Variants in HOXA13 observed in about 807,000 individuals in gnomAD.
HOXA13 encodes the protein homeobox A13.
Under a neutral mutation model 25.7 loss-of-function variants are expected in HOXA13, and 5 were observed. That is an observed-to-expected ratio of 0.19 (90% CI 0.10 to 0.41). The LOEUF is 0.41. HOXA13 is among the 10% of genes least tolerant of loss of function. The pLI is 1.00. For synonymous variants in HOXA13, 284 were observed against 241.1 expected (o/e 1.18, Z -1.65); for missense variants, 557 against 533.5 (o/e 1.04, Z -0.43).
chr7:27,200,079 G>A lies in HOXA13; in HGVS notation c.-2C>T. Reference sequence around the variant, plus strand: ...GTGGAGGAGCACGGAGGCTGTCATAGCCCGAGCCGCATGGAGAAGACCCCA... The same window carrying A: ...GTGGAGGAGCACGGAGGCTGTCATAACCCGAGCCGCATGGAGAAGACCCCA... On this transcript the variant is annotated 5_prime_UTR_variant, in exon 1 of 2. Coordinates refer to ENST00000649031, the MANE Select transcript of HOXA13 (RefSeq NM_000522.5). 1 of 1,457,148 alleles carries A rather than the reference G, an allele frequency of 6.9e-7. No homozygotes were observed. The highest frequency in any genetic ancestry group is 3.0e-5 in the East Asian group (1 of 33,444). 90.3% of individuals were successfully genotyped at this position (1,457,148 alleles called of 1,614,324 possible). A position where few individuals can be genotyped will look rare whatever the true frequency, so the allele number is the denominator to read the frequency against.
chr7:27,197,854 G>T lies in HOXA13; in HGVS notation c.*344C>A. The T allele has an allele frequency of 2.6e-6, 1 of 391,766 alleles. No homozygotes were observed. Among genetic ancestry groups the T allele is most frequent in the Non-Finnish European group, 4.7e-6 (1 of 213,158 alleles). The allele number at this position is 391,766 out of a possible 1,614,324, so 24.3% of individuals were successfully genotyped here. On this transcript the variant is annotated 3_prime_UTR_variant, in exon 2 of 2. Transcript: ENST00000649031. ...AACTTCCAGATTATTACCATCTAAC[G>T]CAGTGTCCTAAAATGTAACGATCAC...
chr7:27,199,190 C>T lies in HOXA13; in HGVS notation c.888G>A (p.Ala296=), dbSNP rs1157970945. ...NGQMYCPKEQ[A]QPPHLWKSTL... ...TGGACTTCCAGAGGTGGGGAGGCTG[C>T]GCCTGCTCTTTGGGGCAGTACATTT... Residue 296 remains alanine (A), a synonymous_variant, in exon 1 of 2, where the codon GCG becomes GCA. Coordinates refer to ENST00000649031, the MANE Select transcript of HOXA13 (RefSeq NM_000522.5). 1 of 1,612,488 alleles carries T rather than the reference C, an allele frequency of 6.2e-7. No individual in the cohort carries two copies. Among genetic ancestry groups the T allele is most frequent in the African/African-American group, 1.3e-5 (1 of 74,854 alleles).
chr7:27,195,118 A>T lies in HOXA13; in HGVS notation c.*3080T>A, dbSNP rs1191485598. On this transcript the variant is annotated 3_prime_UTR_variant, in exon 2 of 2. Transcript: ENST00000649031. ...CATTTGTTTCCACAAGTGGAGTGAA[A>T]ATCCTCAGGGCAGCAAAATATAATT... 6.6e-6 allele frequency: 1 copy of T among 152,156 alleles called. No homozygotes were observed. Among genetic ancestry groups the T allele is most frequent in the Non-Finnish European group, 1.5e-5 (1 of 68,028 alleles). The allele number at this position is 152,156 out of a possible 1,614,324, so 9.4% of individuals were successfully genotyped here. A position where few individuals can be genotyped will look rare whatever the true frequency, so the allele number is the denominator to read the frequency against.
Position 27,198,300 on chromosome 7 carries a change from T to C in HOXA13, c.1065A>G (p.Ile355Met). 1 of 1,614,250 alleles carries C rather than the reference T, an allele frequency of 6.2e-7. No individual in the cohort carries two copies. The highest frequency in any genetic ancestry group is 1.1e-5 in the South Asian group (1 of 91,090). ...GCTCAGAGAGATTCGTCGTGGCTGATATCCGCCTCCGTTTGTCCTTAGTAA... is the reference window on the plus strand; with the variant it reads ...GCTCAGAGAGATTCGTCGTGGCTGACATCCGCCTCCGTTTGTCCTTAGTAA... ...KFITKDKRRR[I>M]SATTNLSERQ... Residue 355 changes from isoleucine to methionine, a missense_variant, in exon 2 of 2, where the codon ATA becomes ATG. Coordinates refer to ENST00000649031, the MANE Select transcript of HOXA13 (RefSeq NM_000522.5).
Position 27,199,412 on chromosome 7 carries a change from G to T in HOXA13, c.666C>A (p.Ser222Arg). 1.2e-6 allele frequency: 2 copies of T among 1,614,050 alleles called. No homozygotes were observed. Among genetic ancestry groups the T allele is most frequent in the Non-Finnish European group, 1.7e-6 (2 of 1,179,984 alleles). ...DTAGPAAEEFSSRAKEFAFYH... is the reference protein window; with the variant it reads ...DTAGPAAEEFRSRAKEFAFYH... ...AGAAGGCGAACTCCTTAGCGCGGGA[G>T]CTGAACTCCTCGGCAGCTGGGCCGG... is the stretch of plus-strand genomic sequence containing the variant. The change falls in exon 1 of 2, where the codon AGC (serine) becomes AGA (arginine). Residue 222 changes from serine to arginine, a missense_variant. Ser to Arg is a moderately radical substitution (Grantham distance 110). Coordinates refer to ENST00000649031, the MANE Select transcript of HOXA13 (RefSeq NM_000522.5).
chr7:27,199,509 G>A lies in HOXA13; in HGVS notation c.569C>T (p.Ala190Val). The A allele has an allele frequency of 1.9e-6, 3 of 1,604,116 alleles. No individual in the cohort carries two copies. Among genetic ancestry groups the A allele is most frequent in the Non-Finnish European group, 2.6e-6 (3 of 1,175,898 alleles). ...PCARMGPHPNAIKSCAQPASA... is the reference protein window; with the variant it reads ...PCARMGPHPNVIKSCAQPASA... ...GGCGGGCTGCGCGCACGACTTGATG[G>A]CGTTGGGGTGCGGGCCCATGCGGGC... Residue 190 changes from alanine to valine, a missense_variant, in exon 1 of 2, where the codon GCC becomes GTC. Physicochemically the swap from Ala to Val is moderately conservative, Grantham distance 64. Transcript: ENST00000649031.
chr7:27,196,848 G>C lies in HOXA13; in HGVS notation c.*1350C>G. The C allele has an allele frequency of 5.7e-6, 1 of 175,566 alleles. No individual in the cohort carries two copies. The highest frequency in any genetic ancestry group is 1.2e-5 in the Non-Finnish European group (1 of 81,002). The allele number at this position is 175,566 out of a possible 1,614,324, so 10.9% of individuals were successfully genotyped here. A position where few individuals can be genotyped will look rare whatever the true frequency, so the allele number is the denominator to read the frequency against. On this transcript the variant is annotated 3_prime_UTR_variant, in exon 2 of 2. Transcript: ENST00000649031. ...TCTGTGCAGTGCACATTTAGCATAG[G>C]AAAGTAAAGAGTATTTTCTGCAGAT...
rs1281379285 is a variant in HOXA13 at position 27,199,311 on chromosome 7, G to A, written c.767C>T (p.Pro256Leu). Residue 256 changes from proline to leucine, a missense_variant, in exon 1 of 2, where the codon CCG becomes CTG. Transcript: ENST00000649031. ...MPGYLDMPVV[P>L]GLGGPGESRH... ...CGACTCGCCGGGGCCCCCGAGGCCC[G>A]GCACCACTGGCATATCCAGGTAGCC... is the stretch of plus-strand genomic sequence containing the variant. The A allele has an allele frequency of 1.2e-6, 2 of 1,614,076 alleles. No individual in the cohort carries two copies. Among genetic ancestry groups the A allele is most frequent in the Non-Finnish European group, 1.7e-6 (2 of 1,180,000 alleles).
At position 27,195,182 on chromosome 7, in the gene HOXA13, C is replaced by T. The variant is rs1178010782; in HGVS notation, c.*3016G>A. 2 of 152,162 alleles carry T rather than the reference C, an allele frequency of 1.3e-5. No individual in the cohort carries two copies. Among genetic ancestry groups the T allele is most frequent in the Admixed American group, 6.5e-5 (1 of 15,278 alleles). The allele number at this position is 152,162 out of a possible 1,614,324, so 9.4% of individuals were successfully genotyped here. The stretch of plus-strand genomic sequence containing the variant: ...CCTTTCGATATGTATGTTTCAACAC[C>T]AGCCTGTTTTTGAGACAGCTTTAGA... On this transcript the variant is annotated 3_prime_UTR_variant, in exon 2 of 2. Transcript: ENST00000649031.
chr7:27,199,617 C>A lies in HOXA13; in HGVS notation c.461G>T (p.Ser154Ile), dbSNP rs749727647. ...GCTCTGCGCCGCTGCCGAGCAGGGG[C>A]TGCATTGCTTGGCGGCCTCTGCGCC... ...PAGAEAAKQC[S>I]PCSAAAQSSS... The change falls in exon 1 of 2, where the codon AGC (serine) becomes ATC (isoleucine). Residue 154 changes from serine (S) to isoleucine (I), a missense_variant. Transcript: ENST00000649031. 4 of 1,430,144 alleles carry A rather than the reference C, an allele frequency of 2.8e-6. No homozygotes were observed. 88.6% of individuals were successfully genotyped at this position (1,430,144 alleles called of 1,614,324 possible).
In HOXA13 at chr7:27,196,392, A is replaced by G. The variant is rs148878582; in HGVS notation, c.*1806T>C. On this transcript the variant is annotated 3_prime_UTR_variant, in exon 2 of 2. Transcript: ENST00000649031. ...CAACGCGAGGTGGCGCCCTTGATCTACTAATCCAGCTAAGGCCAATTCATG... is the reference window on the plus strand; with the variant it reads ...CAACGCGAGGTGGCGCCCTTGATCTGCTAATCCAGCTAAGGCCAATTCATG... The G allele has an allele frequency of 6.6e-6, 1 of 152,340 alleles. No individual in the cohort carries two copies. Among genetic ancestry groups the G allele is most frequent in the East Asian group, 1.9e-4 (1 of 5,180 alleles). The allele number at this position is 152,340 out of a possible 1,614,324, so 9.4% of individuals were successfully genotyped here.
In HOXA13 at chr7:27,196,913, G is replaced by A. The variant is rs544845228; in HGVS notation, c.*1285C>T. On this transcript the variant is annotated 3_prime_UTR_variant, in exon 2 of 2. Transcript: ENST00000649031. ...CTATTTTATTAACAATTAATATTACGATATCACTATCTACAGGTCTAAGGG... is the reference window on the plus strand; with the variant it reads ...CTATTTTATTAACAATTAATATTACAATATCACTATCTACAGGTCTAAGGG... 4.7e-4 allele frequency: 83 copies of A among 178,476 alleles called. No individual in the cohort carries two copies. The highest frequency in any genetic ancestry group is 1.8e-3 in the African/African-American group (76 of 41,578). 11.1% of individuals were successfully genotyped at this position (178,476 alleles called of 1,614,324 possible). A position where few individuals can be genotyped will look rare whatever the true frequency, so the allele number is the denominator to read the frequency against.
Position 27,198,076 on chromosome 7 carries a change from G to T in HOXA13, c.*122C>A. On this transcript the variant is annotated 3_prime_UTR_variant, in exon 2 of 2. Coordinates refer to ENST00000649031, the MANE Select transcript of HOXA13 (RefSeq NM_000522.5). The stretch of plus-strand genomic sequence containing the variant: ...TCTCCTTCGGGAGAGGAAAATGCCA[G>T]TCTCTGTCTCTTTCTCTTTCCCATT... The T allele has an allele frequency of 9.0e-7, 1 of 1,115,182 alleles. No individual in the cohort carries two copies. The highest frequency in any genetic ancestry group is 1.6e-5 in the African/African-American group (1 of 64,412). The allele number at this position is 1,115,182 out of a possible 1,614,324, so 69.1% of individuals were successfully genotyped here. A position where few individuals can be genotyped will look rare whatever the true frequency, so the allele number is the denominator to read the frequency against.
In HOXA13 at chr7:27,198,354, A is replaced by C. The variant is rs569973492; in HGVS notation, c.1011T>G (p.Leu337=). The C allele has an allele frequency of 2.7e-5, 43 of 1,614,146 alleles. 1 individual carries two copies. In the African/African-American group the frequency reaches 5.2e-4, roughly 20 times the overall value. The change falls in exon 2 of 2, where the codon CTT becomes CTG. Residue 337 remains leucine, a synonymous_variant. Transcript: ENST00000649031. ...VPYTKVQLKE[L]EREYATNKFI... is the part of the protein sequence containing the mutation. ...ATTTATTCGTGGCGTATTCCCGTTC[A>C]AGTTCTTTTAATTGCACCTTGGTAT...
Position 27,199,061 on chromosome 7 carries a change from G to A in HOXA13, c.922+95C>T, listed in dbSNP as rs35434022. 1.7e-3 allele frequency: 2,050 copies of A among 1,236,866 alleles called. 30 individuals carry two copies. The African/African-American group carries it at 0.028, about 17-fold the overall frequency. The allele number at this position is 1,236,866 out of a possible 1,614,324, so 76.6% of individuals were successfully genotyped here. On this transcript the variant is annotated intron_variant, in intron 1 of 1. Coordinates refer to ENST00000649031, the MANE Select transcript of HOXA13 (RefSeq NM_000522.5). Reference sequence around the variant, plus strand: ...CAGAGCCGCTAGGGCAGACCAGGAAGAGAACAGAAACGCACCCGGGATCGC... The same window carrying A: ...CAGAGCCGCTAGGGCAGACCAGGAAAAGAACAGAAACGCACCCGGGATCGC...
At position 27,196,661 on chromosome 7, in the gene HOXA13, G is replaced by T. The variant is rs1323471150; in HGVS notation, c.*1537C>A. 1 of 152,674 alleles carries T rather than the reference G, an allele frequency of 6.5e-6. No individual in the cohort carries two copies. The highest frequency in any genetic ancestry group is 1.5e-5 in the Non-Finnish European group (1 of 68,282). 9.5% of individuals were successfully genotyped at this position (152,674 alleles called of 1,614,324 possible). A position where few individuals can be genotyped will look rare whatever the true frequency, so the allele number is the denominator to read the frequency against. ...TCCTCCTTTCTTTTCTCTCCCTTTT[G>T]TAATACCTGACACTTTAATCTCCTT... On this transcript the variant is annotated 3_prime_UTR_variant, in exon 2 of 2. Transcript: ENST00000649031.
rs759554883 is a variant in HOXA13 at position 27,199,573 on chromosome 7, G to C, written c.505C>G (p.Leu169Val). The change falls in exon 1 of 2, where the codon CTG (leucine) becomes GTG (valine). Residue 169 changes from leucine to valine, a missense_variant. Coordinates refer to ENST00000649031, the MANE Select transcript of HOXA13 (RefSeq NM_000522.5). ...CCGCTGCCGAAGTAGCCATAGGGCA[G>C]CGCCGCGGGCCCCGACGAGCTCTGC... The part of the protein sequence containing the change: ...AAQSSSGPAA[L>V]PYGYFGSGYY... 44 of 1,538,800 alleles carry C rather than the reference G, an allele frequency of 2.9e-5. No homozygotes were observed. The highest frequency in any genetic ancestry group is 3.7e-5 in the Non-Finnish European group (42 of 1,145,560).
At position 27,199,853 on chromosome 7, in the gene HOXA13, C is replaced by A; in HGVS notation, c.225G>T (p.Ala75=). The stretch of plus-strand genomic sequence containing the variant: ...CCGCGGCCGCCGCCGCAGCCGCGGC[C>A]GCCGCCGCCACCGAGAAGTTGCCCC... ...AAGGNFSVAA[A]AAAAAAAAAN... is the part of the protein sequence containing the mutation. The change falls in exon 1 of 2, where the codon GCG becomes GCT. Residue 75 remains alanine, a synonymous_variant. Coordinates refer to ENST00000649031, the MANE Select transcript of HOXA13 (RefSeq NM_000522.5). 1 of 993,394 alleles carries A rather than the reference C, an allele frequency of 1.0e-6. No homozygotes were observed. The highest frequency in any genetic ancestry group is 1.2e-6 in the Non-Finnish European group (1 of 833,262). 61.5% of individuals were successfully genotyped at this position (993,394 alleles called of 1,614,324 possible). A position where few individuals can be genotyped will look rare whatever the true frequency, so the allele number is the denominator to read the frequency against.
rs761974114 is a variant in HOXA13, at chr7:27,197,818, C to A, written c.*380G>T. The A allele has an allele frequency of 1.2e-5, 4 of 346,372 alleles. No homozygotes were observed. Among genetic ancestry groups the A allele is most frequent in the African/African-American group, 2.1e-5 (1 of 47,402 alleles). The allele number at this position is 346,372 out of a possible 1,614,324, so 21.5% of individuals were successfully genotyped here. ...AGCAGATGTTTACAATGGCCTCTTGCGTTTGTAACCAACTTCCAGATTATT... is the reference window on the plus strand; with the variant it reads ...AGCAGATGTTTACAATGGCCTCTTGAGTTTGTAACCAACTTCCAGATTATT... On this transcript the variant is annotated 3_prime_UTR_variant, in exon 2 of 2. Coordinates refer to ENST00000649031, the MANE Select transcript of HOXA13 (RefSeq NM_000522.5).
Sources: allele counts gnomAD v4.1 joint callset, GRCh38; gene constraint gnomAD v4.1.1; transcripts MANE v1.5; gene names NCBI Gene and HGNC (gene_info 2026-07-23, HGNC 2026-07-21).